Variants in FAM221B observed in about 807,000 individuals in gnomAD.
FAM221B encodes protein FAM221B.
FAM221B carries 35 observed loss-of-function variants against 39.8 expected under a neutral mutation model. The observed-to-expected ratio is 0.88, with a 90% CI of 0.67 to 1.17. The LOEUF is 1.17. FAM221B is among the 50% of genes most tolerant of loss of function. The pLI is 0.00. For synonymous variants in FAM221B, 158 were observed against 178.1 expected, an observed-to-expected ratio of 0.89 and a Z score of 0.90; for missense variants, 479 against 503.1, an observed-to-expected ratio of 0.95 and a Z score of 0.46.
rs1483683061 is a variant in FAM221B at position 35,828,554 on chromosome 9, G to GCTCC, written c.-93_-92insGGAG. On this transcript the variant is annotated 5_prime_UTR_variant, in exon 1 of 7. It introduces an in-frame stop codon into an upstream open reading frame of the 5' UTR. Transcript: ENST00000423537. The surrounding 1 kb of genome is among the most constrained non-coding windows in gnomAD (Gnocchi z 4.5). Reference sequence around the variant, plus strand: ...AGGTGTTGATCCTCAGGGAGGAAAGGCTCTTGGTTGTGGATGTGCCTCAGC... The same window carrying GCTCC: ...AGGTGTTGATCCTCAGGGAGGAAAGGCTCCCTCTTGGTTGTGGATGTGCCTCAGC... 2.0e-6 allele frequency: 2 copies of GCTCC among 985,342 alleles called. No individual in the cohort carries two copies. Among genetic ancestry groups the GCTCC allele is most frequent in the African/African-American group, 1.7e-5 (1 of 57,202 alleles). The allele number at this position is 985,342 out of a possible 1,614,324, so 61.0% of individuals were successfully genotyped here. A position where few individuals can be genotyped will look rare whatever the true frequency, so the allele number is the denominator to read the frequency against.
rs1829041251 is a variant in FAM221B at position 35,817,247 on chromosome 9, C to G, written c.*1222G>C. 1 of 152,260 alleles carries G rather than the reference C, an allele frequency of 6.6e-6. No homozygotes were observed. The highest frequency in any genetic ancestry group is 1.5e-5 in the Non-Finnish European group (1 of 68,104). The allele number at this position is 152,260 out of a possible 1,614,324, so 9.4% of individuals were successfully genotyped here. On this transcript the variant is annotated 3_prime_UTR_variant, in exon 7 of 7. Coordinates refer to ENST00000423537, the MANE Select transcript of FAM221B (RefSeq NM_001012446.4). Reference sequence around the variant, plus strand: ...TTTGATCCTTGGCCCACAGTTTTCTCTACTTCAAGCACTTATCACCTTCAC... The same window carrying G: ...TTTGATCCTTGGCCCACAGTTTTCTGTACTTCAAGCACTTATCACCTTCAC...
chr9:35,824,463 A>G (rs1458099018), intron 3 of FAM221B, among the ~76,000 whole-genome samples: 1 of 152,146 alleles, frequency 6.6e-6, no homozygotes, highest in Non-Finnish European at 1.5e-5. Context: ...AACAGAACTC[A>G]AAGCTTTTGG....
chr9:35,826,403 T>C (rs1829362793), intron 1 of FAM221B, among the ~76,000 whole-genome samples: 1 of 152,178 alleles, frequency 6.6e-6, no homozygotes, highest in Non-Finnish European at 1.5e-5. Context: ...ACTTAAAGAT[T>C]GAAAGACTGA....
chr9:35,824,750 C>T (rs1315621377), intron 3 of FAM221B, among the ~76,000 whole-genome samples: 17 of 150,416 alleles, frequency 1.1e-4, no homozygotes, highest in Admixed American at 8.0e-4. Flanking sequence ...GGCGCAATCT[C>T]GGCTCACTGC....
At chr9:35,819,715 C>T (rs1271972200) in intron 4 of FAM221B, among the ~76,000 whole-genome samples, 175 bp downstream of exon 4, 12 of 152,092 alleles carry the variant, frequency 7.9e-5, no homozygotes, top group Admixed American at 7.9e-4. Flanking sequence ...ACTGTGTTAG[C>T]CAGGATGGTC....
intron 3 of FAM221B, chr9:35,821,397 A>G (rs780966708): frequency 5.2e-6 from 7 of 1,352,502 alleles, no homozygotes; most frequent in South Asian, 1.1e-5. Flanking sequence ...CAGGGCCACA[A>G]TTCACAATTC....
At chr9:35,819,662 T>G (rs1168203144) in intron 4 of FAM221B, among the ~76,000 whole-genome samples, 1 of 151,958 alleles carries the variant, frequency 6.6e-6, no homozygotes, top group Non-Finnish European at 1.5e-5. Flanking sequence ...CTGGCTAAAT[T>G]TTTTGTATTT....
Position 35,818,312 on chromosome 9 carries a change from A to T in FAM221B, c.*157T>A. On this transcript the variant is annotated 3_prime_UTR_variant, in exon 7 of 7. Transcript: ENST00000423537. ...AACAGGCAGCTTGAATGTGAGTGTG[A>T]TGGAGGCAGATGGCCAGATCCAGGC... is the stretch of plus-strand genomic sequence containing the variant. 1 of 682,192 alleles carries T rather than the reference A, an allele frequency of 1.5e-6. No homozygotes were observed. Among genetic ancestry groups the T allele is most frequent in the Non-Finnish European group, 2.6e-6 (1 of 390,590 alleles). The allele number at this position is 682,192 out of a possible 1,614,324, so 42.3% of individuals were successfully genotyped here. A position where few individuals can be genotyped will look rare whatever the true frequency, so the allele number is the denominator to read the frequency against.
In FAM221B at chr9:35,825,129, A is replaced by G; in HGVS notation, c.742+101T>C. ...CAGGCAGGTGGTATAGCCATTTCCA[A>G]AAGGGGAAGCTATCTGCTGAATGTT... is the stretch of plus-strand genomic sequence containing the variant. On this transcript the variant is annotated intron_variant, in intron 3 of 6. Coordinates refer to ENST00000423537, the MANE Select transcript of FAM221B (RefSeq NM_001012446.4). The surrounding 1 kb of genome is among the most constrained non-coding windows in gnomAD (Gnocchi z 4.2). 1 of 1,419,818 alleles carries G rather than the reference A, an allele frequency of 7.0e-7. No individual in the cohort carries two copies. Among genetic ancestry groups the G allele is most frequent in the South Asian group, 1.3e-5 (1 of 77,658 alleles). 88.0% of individuals were successfully genotyped at this position (1,419,818 alleles called of 1,614,324 possible).
Sources: gnomAD v4.1 joint callset for allele counts (sites outside exome capture counted in the v4.1 genomes callset) on GRCh38, gnomAD v4.1.1 for gene constraint, Gnocchi (gnomAD v3.1) non-coding constraint, MANE v1.5 for transcripts, NCBI Gene and HGNC (gene_info 2026-07-23, HGNC 2026-07-21) for gene names.